GPX5: variants seen among roughly 807,000 people sequenced by gnomAD.
GPX5 encodes the protein glutathione peroxidase 5, also known as epididymal secretory glutathione peroxidase.
Under a neutral mutation model 23.8 loss-of-function variants are expected in GPX5, and 20 were observed. The observed-to-expected ratio is 0.84, with a 90% confidence interval of 0.59 to 1.22. The LOEUF (loss-of-function observed/expected upper bound fraction) is 1.22. Among genes scored for constraint, GPX5 ranks in the 50% most tolerant of loss-of-function variants. The pLI, the probability that GPX5 is intolerant of heterozygous loss-of-function variation, is 0.00. For missense variants in GPX5, 230 were observed against 266.6 expected (o/e 0.86, Z 0.96); for synonymous variants, 92 against 99.5 (o/e 0.92, Z 0.45).
chr6:28,525,924 C>A lies in GPX5; in HGVS notation c.-90C>A. 2.1e-6 allele frequency: 2 copies of A among 941,420 alleles called. No individual in the cohort carries two copies. Among genetic ancestry groups the A allele is most frequent in the Non-Finnish European group, 3.5e-6 (2 of 578,438 alleles). The allele number at this position is 941,420 out of a possible 1,614,324, so 58.3% of individuals were successfully genotyped here. A position where few individuals can be genotyped will look rare whatever the true frequency, so the allele number is the denominator to read the frequency against. On this transcript the variant is annotated 5_prime_UTR_variant, in exon 1 of 5. Coordinates refer to ENST00000412168, the MANE Select transcript of GPX5 (RefSeq NM_001509.3). ...CAGCCCTGTGACTGGCCTGTGGGGGCTTGGGCTAAGTCCCTGCCAAGATAC... is the reference window on the plus strand; with the variant it reads ...CAGCCCTGTGACTGGCCTGTGGGGGATTGGGCTAAGTCCCTGCCAAGATAC...
intron 1 of GPX5, among the ~76,000 whole-genome samples, chr6:28,526,740 G>A (rs1441178318): frequency 1.3e-5 from 2 of 152,120 alleles, no homozygotes; most frequent in Non-Finnish European, 2.9e-5. Context: ...TAATGAATGC[G>A]ATAACTTGGA....
rs1763379585 is a variant in GPX5, at chr6:28,534,103, G to C, written c.602G>C (p.Arg201Pro). 2 of 1,611,608 alleles carry C rather than the reference G, an allele frequency of 1.2e-6. No individual in the cohort carries two copies. Among genetic ancestry groups the C allele is most frequent in the African/African-American group, 2.7e-5 (2 of 74,832 alleles). The change falls in exon 5 of 5, where the codon CGG becomes CCG. Residue 201 changes from arginine to proline, a missense_variant. Arg to Pro is a moderately radical substitution (Grantham distance 103). Transcript: ENST00000412168. ...DGIPVMRWSH[R>P]ATVSSVKTDI... ...ATCCCTGTCATGCGCTGGTCCCACC[G>C]GGCTACGGTCAGCTCAGTCAAGACA...
intron 4 of GPX5, 118 bp from the exon 5 acceptor site, chr6:28,533,843 T>C: frequency 1.7e-6 from 1 of 583,680 alleles, no homozygotes; most frequent in South Asian, 3.5e-5. Flanking sequence ...TTTTTAGGAA[T>C]ATCAGGAAGT....
rs779286563 is a variant in GPX5 at position 28,529,561 on chromosome 6, C to T, written c.198C>T (p.Phe66=). 1.1e-5 allele frequency: 18 copies of T among 1,612,494 alleles called. 1 individual carries two copies. The highest frequency in any genetic ancestry group is 5.5e-5 in the South Asian group (5 of 90,920). Reference sequence around the variant, plus strand: ...AGTATGTGGGCAAGCACATCCTCTTCGTCAACGTGGCCACCTACTGTGGTC... The same window carrying T: ...AGTATGTGGGCAAGCACATCCTCTTTGTCAACGTGGCCACCTACTGTGGTC... ...FKQYVGKHIL[F]VNVATYCGLT... is the part of the protein sequence containing the mutation. The change falls in exon 2 of 5, where the codon TTC becomes TTT. Residue 66 remains phenylalanine (F), a synonymous_variant. Transcript: ENST00000412168.
At position 28,531,977 on chromosome 6, in the gene GPX5, T is replaced by G. The variant is rs1763333089; in HGVS notation, c.359+82T>G. ...AGAGGCCCTTCCAGCTCAGGAACTTTCTGGGGAGGTATGGATTAATAGGCT... is the reference window on the plus strand; with the variant it reads ...AGAGGCCCTTCCAGCTCAGGAACTTGCTGGGGAGGTATGGATTAATAGGCT... On this transcript the variant is annotated intron_variant, in intron 3 of 4. Transcript: ENST00000412168. The G allele has an allele frequency of 1.2e-5, 12 of 973,002 alleles. No homozygotes were observed. The Middle Eastern group carries it at 8.6e-4, about 70-fold the overall frequency. 60.3% of individuals were successfully genotyped at this position (973,002 alleles called of 1,614,324 possible).
chr6:28,530,275 C>A (rs935740026), intron 2 of GPX5: 8 of 152,128 alleles, frequency 5.3e-5, no homozygotes, highest in African/African-American at 1.9e-4. Flanking sequence ...CCTTTTTGTA[C>A]ATTATTCAGG....
intron 1 of GPX5, among the ~76,000 whole-genome samples, chr6:28,529,081 C>T (rs928645590): frequency 6.7e-6 from 1 of 149,648 alleles, no homozygotes; most frequent in East Asian, 2.1e-4. Context: ...CTTATTTATT[C>T]TTTCTAACTA....
At position 28,534,492 on chromosome 6, in the gene GPX5, G is replaced by A. The variant is rs761417078; in HGVS notation, c.*325G>A. On this transcript the variant is annotated 3_prime_UTR_variant, in exon 5 of 5. Coordinates refer to ENST00000412168, the MANE Select transcript of GPX5 (RefSeq NM_001509.3). ...ATCATCCTTCCACGACAATGGTTCA[G>A]TCGGCCATCACATCCTGAAGAACAT... is the stretch of plus-strand genomic sequence containing the variant. 4.0e-6 allele frequency: 1 copy of A among 250,596 alleles called. No individual in the cohort carries two copies. Among genetic ancestry groups the A allele is most frequent in the Non-Finnish European group, 7.6e-6 (1 of 131,592 alleles). 15.5% of individuals were successfully genotyped at this position (250,596 alleles called of 1,614,324 possible). A position where few individuals can be genotyped will look rare whatever the true frequency, so the allele number is the denominator to read the frequency against.
intron 1 of GPX5, chr6:28,526,951 C>T (rs1021197977): frequency 2.0e-5 from 3 of 152,132 alleles, no homozygotes; most frequent in Non-Finnish European, 2.9e-5. Flanking sequence ...ATCTCCCCAT[C>T]CCTCGCCTCT....
chr6:28,534,210 A>G lies in GPX5; in HGVS notation c.*43A>G. ...CAGGAGCAACCCTACTTCTCACCTA[A>G]TGACTTGCTCTCCCCACCCCTCCAA... On this transcript the variant is annotated 3_prime_UTR_variant, in exon 5 of 5. Coordinates refer to ENST00000412168, the MANE Select transcript of GPX5 (RefSeq NM_001509.3). 1 of 1,405,198 alleles carries G rather than the reference A, an allele frequency of 7.1e-7. No homozygotes were observed. Among genetic ancestry groups the G allele is most frequent in the Non-Finnish European group, 9.6e-7 (1 of 1,039,936 alleles). The allele number at this position is 1,405,198 out of a possible 1,614,324, so 87.0% of individuals were successfully genotyped here. A position where few individuals can be genotyped will look rare whatever the true frequency, so the allele number is the denominator to read the frequency against.
chr6:28,533,937 C>T (rs28382609), intron 4 of GPX5, 24 bp from the exon 5 acceptor site: 87,334 of 1,433,242 alleles, frequency 0.061, 3,027 homozygotes, highest in African/African-American at 0.089. Flanking sequence ...AACATTGTTT[C>T]TCTTTTCCAT....
At chr6:28,526,874 C>T (rs113853241) in intron 1 of GPX5, among the ~76,000 whole-genome samples, 1 of 152,138 alleles carries the variant, frequency 6.6e-6, no homozygotes, top group Non-Finnish European at 1.5e-5. Context: ...ACAGTAACTA[C>T]CTTATGGGTG....
At chr6:28,530,909 C>T (rs918272516) in intron 2 of GPX5, among the ~76,000 whole-genome samples, 13 of 152,120 alleles carry the variant, frequency 8.5e-5, no homozygotes, top group Non-Finnish European at 1.8e-4. Context: ...AGGCATCTGG[C>T]TCAGAAAGGG....
intron 2 of GPX5, among the ~76,000 whole-genome samples, chr6:28,530,376 T>C (rs1309164276): frequency 2.0e-5 from 3 of 152,244 alleles, no homozygotes; most frequent in Non-Finnish European, 2.9e-5. Flanking sequence ...GTACTTCTTA[T>C]ATTTGAAGTA....
chr6:28,532,477 TTGG>T lies in GPX5; in HGVS notation c.459+60_459+62del, dbSNP rs1048162970. 3.4e-4 allele frequency: 388 copies of T among 1,157,142 alleles called. No homozygotes were observed. In the African/African-American group the frequency reaches 5.5e-3, roughly 17 times the overall value. 71.7% of individuals were successfully genotyped at this position (1,157,142 alleles called of 1,614,324 possible). On this transcript the variant is annotated intron_variant, in intron 4 of 4. Transcript: ENST00000412168. The stretch of plus-strand genomic sequence containing the variant: ...CTTTTCTAATATTGCTAACATAGAG[TTGG>T]TGTGGCAGAAATGGATCCAAGGGCT...
intron 2 of GPX5, 118 bp from the exon 3 acceptor site, chr6:28,531,660 G>C (rs1763325025): frequency 5.8e-6 from 4 of 692,980 alleles, no homozygotes; most frequent in Non-Finnish European, 1.0e-5. Context: ...CTGATGCAGA[G>C]CTGTTTCCCT....
At chr6:28,532,214 A>T in intron 3 of GPX5, 107 bp from the exon 4 acceptor site, 4 of 727,366 alleles carry the variant, frequency 5.5e-6, no homozygotes, top group Non-Finnish European at 9.3e-6. Context: ...ACCCACAACG[A>T]TACTTCCCTC....
intron 2 of GPX5, among the ~76,000 whole-genome samples, chr6:28,531,219 A>G (rs1045969907): frequency 2.2e-5 from 3 of 135,614 alleles, no homozygotes; most frequent in African/African-American, 8.5e-5. Flanking sequence ...AAATACAGAA[A>G]TATTAGCTGG....
chr6:28,531,387 AAAAAAAGAAAAG>A (rs1180004091), intron 2 of GPX5, among the ~76,000 whole-genome samples: 175 of 100,070 alleles, frequency 1.7e-3, no homozygotes, highest in Admixed American at 5.7e-3. Context: ...AAAAAAAAAA[AAAAAAAGAAAAG>A]AAAAGAAAAG....
Sources: gnomAD v4.1 joint callset for allele counts (sites outside exome capture counted in the v4.1 genomes callset) on GRCh38, gnomAD v4.1.1 for gene constraint, MANE v1.5 for transcripts, NCBI Gene and HGNC (gene_info 2026-07-23, HGNC 2026-07-21) for gene names.